Variants in OARD1 observed in about 807,000 individuals in gnomAD.
The protein encoded by OARD1 is ADP-ribose glycohydrolase OARD1.
Under a neutral mutation model 19.7 loss-of-function variants are expected in OARD1, and 19 were observed. The observed-to-expected ratio is 0.96, with a 90% CI of 0.67 to 1.41. OARD1 has a LOEUF of 1.41. Among genes scored for constraint, OARD1 ranks in the 40% most tolerant of loss-of-function variants. OARD1 has a pLI of 0.00. For synonymous variants in OARD1, 70 were observed against 61.8 expected (o/e 1.13, Z -0.62); for missense variants, 190 against 183.8 (o/e 1.03, Z -0.20).
chr6:41,065,412 G>C lies in OARD1; in HGVS notation c.*1923C>G, dbSNP rs962892996. ...ACTCAACTTAAGATGGGGTTACCCA[G>C]ACATAGACCTAAGTTGAGGAGCATC... On this transcript the variant is annotated 3_prime_UTR_variant, in exon 6 of 6. Coordinates refer to ENST00000424266, the MANE Select transcript of OARD1 (RefSeq NM_001329686.2). 18 of 152,206 alleles carry C rather than the reference G, an allele frequency of 1.2e-4. No individual in the cohort carries two copies. Among genetic ancestry groups the C allele is most frequent in the African/African-American group, 4.3e-4 (18 of 41,458 alleles). The allele number at this position is 152,206 out of a possible 1,614,324, so 9.4% of individuals were successfully genotyped here.
At chr6:41,091,306 A>G (rs757062179) in intron 1 of OARD1, among the ~76,000 whole-genome samples, 78 of 152,360 alleles carry the variant, frequency 5.1e-4, no homozygotes, top group Admixed American at 1.2e-3. Flanking sequence ...AGAGTTACTC[A>G]AAACTGGGAC....
chr6:41,081,918 A>G (rs1384341571), intron 1 of OARD1, among the ~76,000 whole-genome samples: 5 of 152,204 alleles, frequency 3.3e-5, no homozygotes, highest in Non-Finnish European at 5.9e-5. Flanking sequence ...AGTATCCTAA[A>G]TTGGGTTCTA....
chr6:41,077,780 T>C (rs775508143), intron 1 of OARD1, among the ~76,000 whole-genome samples: 4 of 152,160 alleles, frequency 2.6e-5, no homozygotes, highest in Non-Finnish European at 2.9e-5. Context: ...AGCTAGAAAT[T>C]TACCTAGCGA....
intron 1 of OARD1, chr6:41,097,369 G>C (rs1764389536): frequency 2.5e-6 from 4 of 1,613,838 alleles, no homozygotes; most frequent in Non-Finnish European, 3.4e-6. Flanking sequence ...TCCAAACCAA[G>C]CCGATGAAGA....
intron 1 of OARD1, among the ~76,000 whole-genome samples, chr6:41,086,893 A>G (rs1276257473): frequency 1.3e-5 from 2 of 152,208 alleles, no homozygotes; most frequent in East Asian, 3.8e-4. Context: ...AAATGTAGAA[A>G]AGTAAACTTG....
chr6:41,083,992 A>C, intron 1 of OARD1: 1 of 1,504,174 alleles, frequency 6.6e-7, no homozygotes, highest in Non-Finnish European at 8.9e-7. Context: ...TCTTTTGGTA[A>C]AAACCATTTT....
Position 41,070,400 on chromosome 6 carries a change from C to T in OARD1, c.185-266G>A, listed in dbSNP as rs567672221. On this transcript the variant is annotated intron_variant, in intron 3 of 5. Transcript: ENST00000424266. ...GTACCACTACTACTTTTAAATATATCCTCATTTGTCCACAAACTTTCTCTA... is the reference window on the plus strand; with the variant it reads ...GTACCACTACTACTTTTAAATATATTCTCATTTGTCCACAAACTTTCTCTA... 7.2e-5 allele frequency among the ~76,000 whole-genome samples: 11 copies of T among 152,318 alleles called. No homozygotes were observed. In the South Asian group the frequency reaches 2.1e-3, roughly 29 times the overall value.
rs1442975482 is a variant in OARD1, at chr6:41,066,153, G to T, written c.*1182C>A. 1 of 152,022 alleles carries T rather than the reference G, an allele frequency of 6.6e-6. No individual in the cohort carries two copies. The highest frequency in any genetic ancestry group is 1.9e-4 in the East Asian group (1 of 5,194). 9.4% of individuals were successfully genotyped at this position (152,022 alleles called of 1,614,324 possible). Reference sequence around the variant, plus strand: ...AATTTTTTTTTTTAATTGAGATAGGGTCTTGCTCTGTTGCCCACACTGGAG... The same window carrying T: ...AATTTTTTTTTTTAATTGAGATAGGTTCTTGCTCTGTTGCCCACACTGGAG... On this transcript the variant is annotated 3_prime_UTR_variant, in exon 6 of 6. Transcript: ENST00000424266.
At position 41,071,137 on chromosome 6, in the gene OARD1, T is replaced by A; in HGVS notation, c.179A>T (p.Asn60Ile). ...KKFGGVQELL[N>I]QQKKSGEVAV... is the part of the protein sequence containing the mutation. ...AAGTGGTTTCCAAAACTCACGTTGA[T>A]TTAAAAGTTCTTGCACCCCTCCAAA... The change falls in exon 3 of 6, where the codon AAT becomes ATT. Residue 60 changes from asparagine (N) to isoleucine (I), a missense_variant. Physicochemically the swap from Asn to Ile is moderately radical, Grantham distance 149 (BLOSUM62 -3). Transcript: ENST00000424266. The A allele has an allele frequency of 6.2e-7, 1 of 1,614,242 alleles. No individual in the cohort carries two copies. The highest frequency in any genetic ancestry group is 8.5e-7 in the Non-Finnish European group (1 of 1,180,030).
Position 41,089,716 on chromosome 6 carries a change from T to G in OARD1, c.-42+7997A>C, listed in dbSNP as rs1262570191. The stretch of plus-strand genomic sequence containing the variant: ...TCACTGCTGGCCAGACTCAGGTAAT[T>G]CCACTAGCTCTGTCACACAGGAGCA... On this transcript the variant is annotated intron_variant, in intron 1 of 4. Coordinates refer to the OARD1 transcript ENST00000480585. 2.5e-6 allele frequency: 4 copies of G among 1,609,152 alleles called. No individual in the cohort carries two copies. In the African/African-American group the frequency reaches 5.4e-5, roughly 22 times the overall value.
At chr6:41,083,830 C>T (rs188385674) in intron 1 of OARD1, among the ~76,000 whole-genome samples, 1 of 152,314 alleles carries the variant, frequency 6.6e-6, no homozygotes, top group African/African-American at 2.4e-5. Context: ...TGGATATTCT[C>T]CATTATGTCT....
At position 41,071,613 on chromosome 6, in the gene OARD1, C is replaced by T; in HGVS notation, c.22G>A (p.Asp8Asn). Residue 8 changes from aspartate to asparagine, a missense_variant, in exon 2 of 6, where the codon GAT (aspartate) becomes AAT (asparagine). Physicochemically the swap from Asp to Asn is conservative, Grantham distance 23. Transcript: ENST00000424266. MASSLNE[D>N]PEGSRITYVK... ...TTACGCACTCTGCTTCCTTCTGGAT[C>T]TTCATTAAGGCTGCTGGCCATGATA... The T allele has an allele frequency of 6.2e-7, 1 of 1,613,564 alleles. No homozygotes were observed. The highest frequency in any genetic ancestry group is 8.5e-7 in the Non-Finnish European group (1 of 1,179,442).
chr6:41,064,848 A>C lies in OARD1; in HGVS notation c.*2487T>G, dbSNP rs748438295. ...TAGTAGTTTAATGTTCAGATATACA[A>C]TCATTTAAAAGTATTCAATACATGG... On this transcript the variant is annotated 3_prime_UTR_variant, in exon 6 of 6. Coordinates refer to ENST00000424266, the MANE Select transcript of OARD1 (RefSeq NM_001329686.2). 13 of 152,178 alleles carry C rather than the reference A, an allele frequency of 8.5e-5. No homozygotes were observed. Among genetic ancestry groups the C allele is most frequent in the Non-Finnish European group, 1.8e-4 (12 of 68,028 alleles). The allele number at this position is 152,178 out of a possible 1,614,324, so 9.4% of individuals were successfully genotyped here.
chr6:41,071,696 G>T, intron 1 of OARD1, 21 bp from the exon 2 acceptor site: 1 of 1,411,550 alleles, frequency 7.1e-7, no homozygotes, highest in Non-Finnish European at 1.0e-6. Context: ...GGAAAAGGAA[G>T]TAAAAATGCT....
intron 1 of OARD1, among the ~76,000 whole-genome samples, chr6:41,088,354 C>T (rs571538885): frequency 5.0e-5 from 7 of 138,894 alleles, no homozygotes; most frequent in South Asian, 2.3e-4. Flanking sequence ...ACCCAGGAGG[C>T]GGAGCTTGCA....
intron 1 of OARD1, among the ~76,000 whole-genome samples, chr6:41,082,463 A>G (rs1373213066): frequency 6.6e-6 from 1 of 152,226 alleles, no homozygotes; most frequent in Non-Finnish European, 1.5e-5. Context: ...TCTGTTGTAA[A>G]TACAGTGAGC....
At chr6:41,074,653 G>A (rs1454036499), upstream of OARD1, among the ~76,000 whole-genome samples, 1 of 152,220 alleles carries the variant, frequency 6.6e-6, no homozygotes, top group Non-Finnish European at 1.5e-5. Context: ...GGCAGTAGTT[G>A]TGATAGTTTA....
At chr6:41,080,201 C>G (rs1291988218) in intron 1 of OARD1, among the ~76,000 whole-genome samples, 1 of 152,122 alleles carries the variant, frequency 6.6e-6, no homozygotes, top group African/African-American at 2.4e-5. Flanking sequence ...GTAATCCCAG[C>G]TACTCTGGAG....
intron 1 of OARD1, among the ~76,000 whole-genome samples, chr6:41,093,932 A>G (rs1416684530): frequency 2.0e-5 from 3 of 152,172 alleles, no homozygotes; most frequent in African/African-American, 7.2e-5. Context: ...AGGCAGGAGG[A>G]TCACATGAGC....
Sources: gnomAD v4.1 joint callset for allele counts (sites outside exome capture counted in the v4.1 genomes callset) on GRCh38, gnomAD v4.1.1 for gene constraint, MANE v1.5 for transcripts, NCBI Gene and HGNC (gene_info 2026-07-23, HGNC 2026-07-21) for gene names.